Variants in SNX25 observed in about 807,000 individuals in gnomAD.
SNX25 encodes sorting nexin-25.
In SNX25, 62 loss-of-function variants were observed where a neutral mutation model predicts 113.7. The observed-to-expected ratio is 0.55, with a 90% CI of 0.44 to 0.67. SNX25 has a LOEUF of 0.67. Ranked by LOEUF, SNX25 falls within the 30% of genes least tolerant of loss-of-function variation. The pLI, the probability that SNX25 is intolerant of heterozygous loss-of-function variation, is 0.00. For synonymous variants in SNX25, 421 were observed against 436.2 expected, an observed-to-expected ratio of 0.97 and a Z score of 0.43; for missense variants, 1,014 against 1,161.0, an observed-to-expected ratio of 0.87 and a Z score of 1.84.
intron 1 of SNX25, among the ~76,000 whole-genome samples, chr4:185,231,232 G>A (rs62347776): frequency 0.37 from 56,489 of 151,014 alleles, 12,822 homozygotes; most frequent in East Asian, 0.57. Context: ...CCGAGTAGCC[G>A]GGACTACAGG....
At chr4:185,371,084 C>T (rs747578956), downstream of SNX25, 170 of 325,240 alleles carry the variant, frequency 5.2e-4, 1 homozygote, top group Non-Finnish European at 8.5e-4. Context: ...CTTTTTTCTT[C>T]TAATATTACT....
chr4:185,345,650 G>T (rs1211909556), intron 12 of SNX25, among the ~76,000 whole-genome samples: 1 of 151,904 alleles, frequency 6.6e-6, no homozygotes, highest in Non-Finnish European at 1.5e-5. Flanking sequence ...AATTAGCCAG[G>T]CATGGTGGTG....
the SNX25 span, chr4:185,375,753 TA>T: frequency 6.8e-7 from 1 of 1,462,416 alleles, no homozygotes; most frequent in Non-Finnish European, 9.5e-7. Flanking sequence ...GATATTTAAT[TA>T]TTTTTATTAT....
chr4:185,377,926 T>A, the SNX25 span: 1 of 623,724 alleles, frequency 1.6e-6, no homozygotes, highest in Non-Finnish European at 2.7e-6. Context: ...AAATGAGCAA[T>A]TTCACAGATT....
At chr4:185,285,713 T>C (rs1462555255) in intron 5 of SNX25, among the ~76,000 whole-genome samples, 1 of 152,190 alleles carries the variant, frequency 6.6e-6, no homozygotes. Context: ...TGATGGTTCA[T>C]GATGTAATTG....
At chr4:185,372,899 A>C, downstream of SNX25, 2 of 1,612,216 alleles carry the variant, frequency 1.2e-6, no homozygotes, top group Non-Finnish European at 1.7e-6. Context: ...TTCATCTTAT[A>C]GTAATACTCC....
At chr4:185,348,649 G>C (rs1407267619) in intron 13 of SNX25, among the ~76,000 whole-genome samples, 1 of 152,022 alleles carries the variant, frequency 6.6e-6, no homozygotes, top group East Asian at 1.9e-4. Context: ...AATCTGCCTC[G>C]GCCTCCCAGA....
chr4:185,361,558 C>T (rs897753506), intron 16 of SNX25, among the ~76,000 whole-genome samples: 2 of 151,934 alleles, frequency 1.3e-5, no homozygotes, highest in African/African-American at 4.8e-5. Context: ...GCCAACATGG[C>T]GAAACCCCGT....
At chr4:185,226,863 G>T (rs1170268589) in intron 1 of SNX25, among the ~76,000 whole-genome samples, 1 of 149,858 alleles carries the variant, frequency 6.7e-6, no homozygotes. Flanking sequence ...TTGTAAACAT[G>T]ACTGATTCCT....
intron 5 of SNX25, among the ~76,000 whole-genome samples, chr4:185,270,530 A>G (rs1309521002): frequency 6.6e-6 from 1 of 152,228 alleles, no homozygotes; most frequent in Non-Finnish European, 1.5e-5. Context: ...TGAAAATGAG[A>G]TATAATTCAC....
intron 5 of SNX25, among the ~76,000 whole-genome samples, chr4:185,286,253 C>T (rs1227338526): frequency 6.6e-6 from 1 of 152,120 alleles, no homozygotes; most frequent in African/African-American, 2.4e-5. Flanking sequence ...GTAGCTAGGA[C>T]TACCGGCATG....
rs1321473147 is a variant in SNX25, at chr4:185,338,209, T to A, written c.1915-1170T>A. Among the ~76,000 whole-genome samples, 3 of 152,202 alleles carry A rather than the reference T, an allele frequency of 2.0e-5. No individual in the cohort carries two copies. The East Asian group carries it at 5.8e-4, about 29-fold the overall frequency. ...CTATTTCTTCTTTTGTTGCCTGTGC[T>A]TTTTGTGTCATAACCAAGAAATCAT... is the stretch of plus-strand genomic sequence containing the variant. On this transcript the variant is annotated intron_variant, in intron 10 of 18. Transcript: ENST00000652585.
At chr4:185,318,656 C>T (rs1561006763) in intron 7 of SNX25, among the ~76,000 whole-genome samples, 2 of 152,134 alleles carry the variant, frequency 1.3e-5, no homozygotes, top group Admixed American at 1.3e-4. Flanking sequence ...TATTAGATCC[C>T]AGTGTCCTTG....
downstream of SNX25, chr4:185,366,925 C>T (rs1380827704): frequency 1.2e-5 from 4 of 332,178 alleles, no homozygotes; most frequent in Admixed American, 9.3e-5. Context: ...GGTTTTAATA[C>T]TTGATATGGT....
chr4:185,220,673 G>A (rs1024747647), intron 1 of SNX25, among the ~76,000 whole-genome samples: 1 of 151,814 alleles, frequency 6.6e-6, no homozygotes, highest in Non-Finnish European at 1.5e-5. Context: ...GTAGAGACGG[G>A]GTTTCACCAT....
chr4:185,232,435 C>T lies in SNX25; in HGVS notation c.430-14859C>T, dbSNP rs1742014474. Among the ~76,000 whole-genome samples, 1 of 152,196 alleles carries T rather than the reference C, an allele frequency of 6.6e-6. No homozygotes were observed. Among genetic ancestry groups the T allele is most frequent in the Admixed American group, 6.5e-5 (1 of 15,272 alleles). On this transcript the variant is annotated intron_variant, in intron 1 of 18. Transcript: ENST00000652585. The surrounding 1 kb of genome is among the most constrained non-coding windows in gnomAD (Gnocchi z 4.4). ...CTTTTATGGGCCGACCCCTCCTCTG[C>T]ATCCTGTTTGCTTATCATGACTTTC...
the SNX25 span, chr4:185,375,602 C>T: frequency 6.7e-7 from 1 of 1,495,832 alleles, no homozygotes; most frequent in Non-Finnish European, 9.0e-7. Flanking sequence ...GTGACCAAGA[C>T]ATTAACTTAC....
intron 12 of SNX25, among the ~76,000 whole-genome samples, chr4:185,346,286 C>T (rs2095286180): frequency 6.6e-6 from 1 of 152,174 alleles, no homozygotes; most frequent in Non-Finnish European, 1.5e-5. Flanking sequence ...TGTGCAGATC[C>T]CTCGTACCAG....
chr4:185,311,192 T>G (rs968279121), intron 7 of SNX25, among the ~76,000 whole-genome samples: 4 of 152,232 alleles, frequency 2.6e-5, no homozygotes, highest in African/African-American at 9.6e-5. Context: ...AAATTATTTT[T>G]ACTTAACTCT....
Sources: allele counts gnomAD v4.1 joint callset (sites outside exome capture counted in the v4.1 genomes callset), GRCh38; gene constraint gnomAD v4.1.1; non-coding constraint Gnocchi (gnomAD v3.1); transcripts MANE v1.5; gene names NCBI Gene and HGNC (gene_info 2026-07-23, HGNC 2026-07-21).